The following CNTN5 variants were observed in gnomAD, a reference collection of about 807,000 sequenced individuals.
The protein encoded by CNTN5 is contactin-5.
A neutral mutation model predicts 129.1 loss-of-function variants in CNTN5; 77 were observed. That is an observed-to-expected ratio of 0.60 (90% CI 0.50 to 0.72). CNTN5 has a LOEUF of 0.72. CNTN5 is among the 30% of genes least tolerant of loss of function. The pLI is 0.00. For synonymous variants in CNTN5, 509 were observed against 465.6 expected (o/e 1.09, Z -1.20); for missense variants, 1,478 against 1,328.8 (o/e 1.11, Z -1.75).
At chr11:99,038,444 T>C (rs1863848767) in intron 1 of CNTN5, among the ~76,000 whole-genome samples, 1 of 152,188 alleles carries the variant, frequency 6.6e-6, no homozygotes, top group Admixed American at 6.6e-5. Context: ...AAGATCAGTA[T>C]TCTCCTTCTA....
chr11:99,309,141 A>G (rs1864994602), intron 1 of CNTN5, among the ~76,000 whole-genome samples: 1 of 151,688 alleles, frequency 6.6e-6, no homozygotes, highest in Non-Finnish European at 1.5e-5. Flanking sequence ...GCATGTTAAT[A>G]ATCTTATCAC....
intron 1 of CNTN5, among the ~76,000 whole-genome samples, chr11:99,073,343 A>G (rs1224543175): frequency 2.0e-5 from 2 of 100,474 alleles, no homozygotes; most frequent in Non-Finnish European, 4.3e-5. Context: ...TGCATGCGTT[A>G]TATTTGACTG....
intron 2 of CNTN5, among the ~76,000 whole-genome samples, chr11:99,371,843 G>A (rs780916693): frequency 6.6e-6 from 1 of 152,068 alleles, no homozygotes; most frequent in Non-Finnish European, 1.5e-5. Context: ...TACAACCTTC[G>A]ATACTGTCAT....
intron 1 of CNTN5, among the ~76,000 whole-genome samples, chr11:99,139,204 T>C (rs1301773545): frequency 6.6e-6 from 1 of 150,498 alleles, no homozygotes; most frequent in Non-Finnish European, 1.5e-5. Flanking sequence ...GAGGTGGAGA[T>C]TGCAGTGAGC....
At chr11:99,523,989 C>T (rs1195976381) in intron 2 of CNTN5, among the ~76,000 whole-genome samples, 1 of 151,732 alleles carries the variant, frequency 6.6e-6, no homozygotes, top group Non-Finnish European at 1.5e-5. Context: ...CAGAGCTGTG[C>T]CAAAGATGAA....
chr11:99,682,996 C>T (rs1321577683), intron 3 of CNTN5, among the ~76,000 whole-genome samples: 3 of 151,632 alleles, frequency 2.0e-5, no homozygotes, highest in Non-Finnish European at 4.4e-5. Context: ...AATAGTGTTG[C>T]CTTTTATTCT....
At chr11:99,120,819 T>A (rs1858282950) in intron 1 of CNTN5, among the ~76,000 whole-genome samples, 1 of 152,204 alleles carries the variant, frequency 6.6e-6, no homozygotes, top group African/African-American at 2.4e-5. Context: ...GAAGATTTTC[T>A]AAATCTTGAA....
intron 13 of CNTN5, among the ~76,000 whole-genome samples, chr11:100,121,665 G>A (rs1946027028): frequency 6.6e-6 from 1 of 151,916 alleles, no homozygotes; most frequent in Non-Finnish European, 1.5e-5. Context: ...AGTATTTCCT[G>A]TTCTCCTTCA....
chr11:99,625,525 T>A (rs1232526362), intron 3 of CNTN5, among the ~76,000 whole-genome samples: 1 of 152,176 alleles, frequency 6.6e-6, no homozygotes, highest in South Asian at 2.1e-4. Context: ...ATGTCAATTT[T>A]CATTATTGTA....
intron 18 of CNTN5, among the ~76,000 whole-genome samples, chr11:100,294,663 T>C (rs11603470): frequency 0.068 from 10,241 of 151,704 alleles, 456 homozygotes; most frequent in African/African-American, 0.14. Context: ...ATATTTTGTT[T>C]TAAAGTAAAT....
intron 2 of CNTN5, among the ~76,000 whole-genome samples, chr11:99,421,573 A>C (rs1942890055): frequency 2.6e-5 from 4 of 152,204 alleles, no homozygotes; most frequent in Admixed American, 2.6e-4. Context: ...ATGTAGCATG[A>C]CATTGACTTA....
At position 99,535,074 on chromosome 11, in the gene CNTN5, T is replaced by A. The variant is rs939394496; in HGVS notation, c.-70-21071T>A. ...TATGCCATAGGTCAGATGAAGAATA[T>A]AGTCTGCACTAATGCTGAAGCCGTT... On this transcript the variant is annotated intron_variant, in intron 2 of 24. Coordinates refer to ENST00000524871, the MANE Select transcript of CNTN5 (RefSeq NM_014361.4). Among the ~76,000 whole-genome samples the A allele has an allele frequency of 1.1e-4, 16 of 152,304 alleles. 1 individual carries two copies. The highest frequency in any genetic ancestry group is 3.8e-4 in the African/African-American group (16 of 41,572).
At chr11:100,016,249 G>T (rs1940814631) in intron 9 of CNTN5, among the ~76,000 whole-genome samples, 2 of 151,996 alleles carry the variant, frequency 1.3e-5, no homozygotes, top group South Asian at 4.1e-4. Flanking sequence ...ACAGGGAAAG[G>T]CTGTTATCTG....
At chr11:99,281,828 A>G (rs1232609069) in intron 1 of CNTN5, among the ~76,000 whole-genome samples, 3 of 151,904 alleles carry the variant, frequency 2.0e-5, no homozygotes, top group Non-Finnish European at 4.4e-5. Flanking sequence ...CTTATTCATA[A>G]AATGTTTAGA....
Position 100,061,392 on chromosome 11 carries a change from C to G in CNTN5, c.1161C>G (p.Tyr387Ter). The G allele has an allele frequency of 6.4e-7, 1 of 1,554,048 alleles. No individual in the cohort carries two copies. The highest frequency in any genetic ancestry group is 8.8e-7 in the Non-Finnish European group (1 of 1,137,258). The change falls in exon 10 of 25, where the codon TAC becomes TAG. Residue 387 changes from tyrosine (Y) to a stop codon, truncating the protein, a stop_gained and splice_region_variant. Transcript: ENST00000524871. LOFTEE classifies it high-confidence loss of function. The part of the protein sequence containing the change: ...KNSFRGQLQV[Y>*]TYPHWVEKLN... The stretch of plus-strand genomic sequence containing the variant: ...CCTTTCGTGGACAATTACAAGTATA[C>G]AGTAAGTGTTTTCAGCAAAGCATGA...
intron 21 of CNTN5, among the ~76,000 whole-genome samples, chr11:100,321,379 T>A (rs1032942113): frequency 2.6e-5 from 4 of 151,676 alleles, no homozygotes; most frequent in Admixed American, 2.6e-4. Context: ...ATAAAAACAC[T>A]ACTAAATTTT....
chr11:100,156,615 G>A (rs1314466147), intron 13 of CNTN5, among the ~76,000 whole-genome samples: 2 of 152,054 alleles, frequency 1.3e-5, no homozygotes, highest in Non-Finnish European at 2.9e-5. Context: ...GAATTTGGCT[G>A]TGAATCTGTC....
At chr11:99,138,950 A>G (rs1211326554) in intron 1 of CNTN5, among the ~76,000 whole-genome samples, 1 of 152,138 alleles carries the variant, frequency 6.6e-6, no homozygotes, top group African/African-American at 2.4e-5. Context: ...AGCAAATAAA[A>G]CTGCAGCTAG....
At chr11:99,658,433 C>T (rs973798978) in intron 3 of CNTN5, among the ~76,000 whole-genome samples, 1 of 151,788 alleles carries the variant, frequency 6.6e-6, no homozygotes, top group African/African-American at 2.4e-5. Flanking sequence ...TTTTATATTC[C>T]AGTTTTTTCT....
Sources: allele counts gnomAD v4.1 joint callset (sites outside exome capture counted in the v4.1 genomes callset), GRCh38; gene constraint gnomAD v4.1.1; transcripts MANE v1.5; gene names NCBI Gene and HGNC (gene_info 2026-07-23, HGNC 2026-07-21).